CHAF1B: variants seen among roughly 807,000 people sequenced by gnomAD.
CHAF1B encodes the protein chromatin assembly factor 1 subunit B.
CHAF1B carries 10 observed loss-of-function variants against 60.7 expected under a neutral mutation model. That is an observed-to-expected ratio of 0.16 (90% CI 0.10 to 0.28). CHAF1B has a LOEUF of 0.28. Ranked by LOEUF, CHAF1B falls within the 10% of genes least tolerant of loss-of-function variation. CHAF1B has a pLI of 1.00. For missense variants in CHAF1B, 558 were observed against 708.4 expected, an observed-to-expected ratio of 0.79 and a Z score of 2.41; for synonymous variants, 261 against 266.1, an observed-to-expected ratio of 0.98 and a Z score of 0.19.
chr21:36,410,904 G>T (rs1263908739), intron 10 of CHAF1B, among the ~76,000 whole-genome samples: 1 of 151,884 alleles, frequency 6.6e-6, no homozygotes. Flanking sequence ...CAGGTGATCT[G>T]CCCGCCTCAG....
chr21:36,404,105 T>C (rs2146370422), intron 8 of CHAF1B, among the ~76,000 whole-genome samples: 1 of 151,290 alleles, frequency 6.6e-6, no homozygotes, highest in East Asian at 1.9e-4. Context: ...CCTTTTTTTT[T>C]TTTTTTTTTT....
At position 36,408,917 on chromosome 21, in the gene CHAF1B, C is replaced by T. The variant is rs565736051; in HGVS notation, c.827+87C>T. The T allele has an allele frequency of 4.1e-5, 37 of 900,634 alleles. No individual in the cohort carries two copies. The East Asian group carries it at 5.9e-4, about 14-fold the overall frequency. 55.8% of individuals were successfully genotyped at this position (900,634 alleles called of 1,614,324 possible). ...TTGCCCAGGCTGGAGTGCAATGGTG[C>T]GATCTCTGCTCACTGCAACCTCTGC... On this transcript the variant is annotated intron_variant, in intron 9 of 13. Transcript: ENST00000314103.
chr21:36,404,438 AATTT>A (rs2086219539), intron 8 of CHAF1B, among the ~76,000 whole-genome samples: 1 of 132,340 alleles, frequency 7.6e-6, no homozygotes. Flanking sequence ...TTTATTTATT[AATTT>A]ATTTATTTTG....
intron 6 of CHAF1B, among the ~76,000 whole-genome samples, chr21:36,398,436 T>C (rs1017375245): frequency 1.3e-5 from 2 of 152,160 alleles, no homozygotes; most frequent in Non-Finnish European, 2.9e-5. Flanking sequence ...CTCGGCATAC[T>C]GTAACCTCCA....
At chr21:36,408,930 C>T (rs959330941) in intron 9 of CHAF1B, 100 bp downstream of exon 9, 1 of 754,344 alleles carries the variant, frequency 1.3e-6, no homozygotes, top group Middle Eastern at 3.4e-4. Flanking sequence ...TCTCTGCTCA[C>T]TGCAACCTCT....
At position 36,418,180 on chromosome 21, in the gene CHAF1B, A is replaced by AT. The variant is rs1304735155; in HGVS notation, c.*1819dup. Reference sequence around the variant, plus strand: ...AGGCACCCGCCACCACGCCCGGCTAATTTTTGTATTTTTAGTAGAGATGGT... The same window carrying AT: ...AGGCACCCGCCACCACGCCCGGCTAATTTTTTGTATTTTTAGTAGAGATGGT... On this transcript the variant is annotated 3_prime_UTR_variant, in exon 14 of 14. Coordinates refer to ENST00000314103, the MANE Select transcript of CHAF1B (RefSeq NM_005441.3). 1 of 151,902 alleles carries AT rather than the reference A, an allele frequency of 6.6e-6. No individual in the cohort carries two copies. The highest frequency in any genetic ancestry group is 2.4e-5 in the African/African-American group (1 of 41,338). 9.4% of individuals were successfully genotyped at this position (151,902 alleles called of 1,614,324 possible).
Position 36,386,083 on chromosome 21 carries a change from T to G in CHAF1B, c.-54T>G. ...AGCATTTTGCAGCTTTCTCCTGTCT[T>G]GAAGAAGTAGAACGGTGCCCGAGAA... On this transcript the variant is annotated 5_prime_UTR_variant, in exon 2 of 14. Transcript: ENST00000314103. The G allele has an allele frequency of 6.2e-7, 1 of 1,607,238 alleles. No individual in the cohort carries two copies. The highest frequency in any genetic ancestry group is 8.5e-7 in the Non-Finnish European group (1 of 1,175,440).
chr21:36,386,247 G>A lies in CHAF1B; in HGVS notation c.111G>A (p.Val37=), dbSNP rs1569118365. The A allele has an allele frequency of 6.2e-7, 1 of 1,614,108 alleles. No homozygotes were observed. Residue 37 remains valine, a synonymous_variant, in exon 2 of 14, where the codon GTG becomes GTA. Coordinates refer to ENST00000314103, the MANE Select transcript of CHAF1B (RefSeq NM_005441.3). ...GRIHRLASAG[V]DTNVRIWKVE... ...TCCACAGACTGGCGTCTGCCGGCGT[G>A]GACACCAATGTCAGGGTAAACTGGG...
intron 3 of CHAF1B, among the ~76,000 whole-genome samples, chr21:36,389,793 G>C (rs1199394143): frequency 7.3e-6 from 1 of 137,412 alleles, no homozygotes; most frequent in African/African-American, 3.1e-5. Flanking sequence ...GTGTGTGTGT[G>C]TGTGTGTGCG....
At chr21:36,386,981 T>C (rs910528307) in intron 2 of CHAF1B, among the ~76,000 whole-genome samples, 3 of 152,130 alleles carry the variant, frequency 2.0e-5, no homozygotes, top group Non-Finnish European at 2.9e-5. Context: ...CCCAAAGTGC[T>C]GGGATTACAG....
At chr21:36,396,358 CAAAAAAAAAAAAAA>C (rs777079304) in intron 5 of CHAF1B, among the ~76,000 whole-genome samples, 1 of 52,816 alleles carries the variant, frequency 1.9e-5, no homozygotes, top group African/African-American at 6.9e-5. Context: ...CCAAAAACCT[CAAAAAAAAAAAAAA>C]AAAAAAAAAA....
At chr21:36,389,901 A>G (rs573355386) in intron 3 of CHAF1B, among the ~76,000 whole-genome samples, 8 of 151,944 alleles carry the variant, frequency 5.3e-5, no homozygotes, top group Non-Finnish European at 1.0e-4. Context: ...GGCAGCCCCC[A>G]TTTTCCAAAG....
At chr21:36,408,060 C>A (rs1026313963) in intron 8 of CHAF1B, among the ~76,000 whole-genome samples, 1 of 152,038 alleles carries the variant, frequency 6.6e-6, no homozygotes, top group Non-Finnish European at 1.5e-5. Flanking sequence ...TACTGCCCTC[C>A]CTGGTGGATA....
rs2086291599 is a variant in CHAF1B, at chr21:36,413,182, CCTG to C, written c.1364_1366del (p.Ala455del). Reference sequence around the variant, plus strand: ...CATCAGGGACCCTCCCTCCATCACTCCTGCTGTCAAAAGCCCCTTGCCGGGGCC... The same window carrying C: ...CATCAGGGACCCTCCCTCCATCACTCCTGTCAAAAGCCCCTTGCCGGGGCC... On this transcript the variant is annotated inframe_deletion, in exon 12 of 14. Transcript: ENST00000314103. 1 of 1,614,118 alleles carries C rather than the reference CCTG, an allele frequency of 6.2e-7. No homozygotes were observed. The highest frequency in any genetic ancestry group is 8.5e-7 in the Non-Finnish European group (1 of 1,180,026).
At chr21:36,399,733 C>T (rs2086171898) in intron 7 of CHAF1B, 128 bp downstream of exon 7, 2 of 734,304 alleles carry the variant, frequency 2.7e-6, no homozygotes, top group Middle Eastern at 4.9e-4. Flanking sequence ...TACAATAAGG[C>T]TTCCTTTTGG....
chr21:36,412,291 G>T (rs181159170), intron 11 of CHAF1B, among the ~76,000 whole-genome samples: 1 of 152,256 alleles, frequency 6.6e-6, no homozygotes, highest in East Asian at 1.9e-4. Context: ...CCTGTGTAGA[G>T]GATGTCACTC....
At chr21:36,401,781 C>T (rs1449241130) in intron 7 of CHAF1B, among the ~76,000 whole-genome samples, 1 of 151,262 alleles carries the variant, frequency 6.6e-6, no homozygotes, top group Admixed American at 6.7e-5. Flanking sequence ...GGCTCTGTCA[C>T]CCAGGCTGGA....
At chr21:36,405,453 G>T (rs2086230623) in intron 8 of CHAF1B, among the ~76,000 whole-genome samples, 1 of 151,950 alleles carries the variant, frequency 6.6e-6, no homozygotes. Flanking sequence ...TTGAGACAGG[G>T]TCTCACTCTG....
intron 4 of CHAF1B, among the ~76,000 whole-genome samples, chr21:36,392,003 G>A (rs1305890709): frequency 7.2e-6 from 1 of 139,282 alleles, no homozygotes; most frequent in Non-Finnish European, 1.5e-5. Context: ...TAGGACAATA[G>A]TGGAGGGAAG....
Sources: allele counts gnomAD v4.1 joint callset (sites outside exome capture counted in the v4.1 genomes callset), GRCh38; gene constraint gnomAD v4.1.1; transcripts MANE v1.5; gene names NCBI Gene and HGNC (gene_info 2026-07-23, HGNC 2026-07-21).